Variants in TBCE observed in about 807,000 individuals in gnomAD.
The protein encoded by TBCE is tubulin folding cofactor E.
In TBCE, 53 loss-of-function variants were observed where a neutral mutation model predicts 77.0. The observed-to-expected ratio is 0.69, with a 90% CI of 0.55 to 0.87. TBCE has a LOEUF of 0.87. TBCE is among the 40% of genes least tolerant of loss of function. The pLI is 0.00. For missense variants in TBCE, 624 were observed against 622.4 expected (o/e 1.00, Z -0.03); for synonymous variants, 235 against 241.3 (o/e 0.97, Z 0.24).
Position 235,419,577 on chromosome 1 carries a change from A to C in TBCE, c.460+16A>C. Reference sequence around the variant, plus strand: ...GCATGTCCTAGTATCCTTTTCACCGAGAGCTTGTTATTGGAATCTGACTAT... The same window carrying C: ...GCATGTCCTAGTATCCTTTTCACCGCGAGCTTGTTATTGGAATCTGACTAT... On this transcript the variant is annotated intron_variant, in intron 5 of 16. Transcript: ENST00000642610. 2 of 1,613,854 alleles carry C rather than the reference A, an allele frequency of 1.2e-6. No individual in the cohort carries two copies. The highest frequency in any genetic ancestry group is 2.2e-5 in the South Asian group (2 of 91,016).
intron 3 of TBCE, among the ~76,000 whole-genome samples, chr1:235,404,182 C>A (rs903375392): frequency 6.6e-6 from 1 of 151,868 alleles, no homozygotes; most frequent in South Asian, 2.1e-4. Flanking sequence ...GAGGCTGAGG[C>A]AGGAGAATTG....
Position 235,448,206 on chromosome 1 carries a change from A to C in TBCE, c.1400-143A>C, listed in dbSNP as rs112398616. The C allele has an allele frequency of 0.014, 10,165 of 716,800 alleles. 108 individuals carry two copies. Among genetic ancestry groups the C allele is most frequent in the African/African-American group, 0.035 (1,837 of 52,700 alleles). 44.4% of individuals were successfully genotyped at this position (716,800 alleles called of 1,614,324 possible). A position where few individuals can be genotyped will look rare whatever the true frequency, so the allele number is the denominator to read the frequency against. ...CAGAGCAAGACTTACTTAAGTAAGT[A>C]AGTAAGTCAGTCTCAAAAAAAAAAA... On this transcript the variant is annotated intron_variant, in intron 15 of 16. Coordinates refer to ENST00000642610, the MANE Select transcript of TBCE (RefSeq NM_003193.5).
intron 3 of TBCE, among the ~76,000 whole-genome samples, chr1:235,410,029 C>T (rs893290943): frequency 6.8e-6 from 1 of 147,880 alleles, no homozygotes; most frequent in Non-Finnish European, 1.5e-5. Context: ...GACTCTGTCT[C>T]AAACAAAAAC....
intron 3 of TBCE, among the ~76,000 whole-genome samples, chr1:235,405,258 G>A (rs1432290632): frequency 1.3e-5 from 2 of 151,740 alleles, no homozygotes; most frequent in African/African-American, 4.8e-5. Flanking sequence ...CCACTGCACT[G>A]GACCTGAGCC....
intron 6 of TBCE, chr1:235,429,575 T>C (rs1308873088): frequency 2.6e-5 from 4 of 152,214 alleles, no homozygotes; most frequent in Non-Finnish European, 4.4e-5. Flanking sequence ...AGTAATTTCA[T>C]TGGGATACTG....
chr1:235,395,036 C>G (rs1678643016), intron 2 of TBCE, among the ~76,000 whole-genome samples: 2 of 152,134 alleles, frequency 1.3e-5, no homozygotes, highest in Admixed American at 1.3e-4. Flanking sequence ...GATTACTATT[C>G]CATTGTCTGG....
At chr1:235,400,491 TCCGGG>T (rs1679033733) in intron 2 of TBCE, among the ~76,000 whole-genome samples, 6 of 133,828 alleles carry the variant, frequency 4.5e-5, no homozygotes, top group African/African-American at 1.7e-4. Flanking sequence ...ACCTCCGCCT[TCCGGG>T]TTCACGCCGT....
At chr1:235,386,786 T>C (rs1256057103) in intron 2 of TBCE, among the ~76,000 whole-genome samples, 2 of 152,222 alleles carry the variant, frequency 1.3e-5, no homozygotes, top group Non-Finnish European at 2.9e-5. Context: ...TCTGAAGCCT[T>C]CTTCTCTCAA....
chr1:235,379,467 G>A (rs536275927), intron 1 of TBCE, among the ~76,000 whole-genome samples: 1 of 152,126 alleles, frequency 6.6e-6, no homozygotes, highest in African/African-American at 2.4e-5. Context: ...GGTGGAGGTT[G>A]CAGTGAGCCG....
At chr1:235,373,720 C>G (rs1006465190) in intron 1 of TBCE, among the ~76,000 whole-genome samples, 1 of 151,504 alleles carries the variant, frequency 6.6e-6, no homozygotes, top group Non-Finnish European at 1.5e-5. Context: ...GCGATCTCGG[C>G]TCACTGCAAG....
At chr1:235,436,486 C>CA in intron 10 of TBCE, 36 bp downstream of exon 10, 2 of 1,610,500 alleles carry the variant, frequency 1.2e-6, no homozygotes, top group Non-Finnish European at 1.7e-6. Context: ...ACTGCCCCCC[C>CA]ACACTATACT....
Position 235,419,535 on chromosome 1 carries a change from AAGG to A in TBCE, c.440_442del (p.Gly147del). On this transcript the variant is annotated inframe_deletion, in exon 5 of 17. Transcript: ENST00000642610. The stretch of plus-strand genomic sequence containing the variant: ...TGTGCAGTAAGTTGTGCTGGTGAAA[AAGG>A]AGGAGTTGCTGAAGCATGTCCTAGT... 2 of 1,613,994 alleles carry A rather than the reference AAGG, an allele frequency of 1.2e-6. No homozygotes were observed. The highest frequency in any genetic ancestry group is 1.3e-5 in the African/African-American group (1 of 74,972).
chr1:235,380,570 T>A lies in TBCE; in HGVS notation c.100+421T>A, dbSNP rs945077973. 5.9e-5 allele frequency among the ~76,000 whole-genome samples: 9 copies of A among 152,250 alleles called. No individual in the cohort carries two copies. In the South Asian group the frequency reaches 8.3e-4, roughly 14 times the overall value. On this transcript the variant is annotated intron_variant, in intron 2 of 16. Coordinates refer to ENST00000642610, the MANE Select transcript of TBCE (RefSeq NM_003193.5). ...ATTACAATTTTTGTTACCTTTTTTTTAAACTTATTTTTTGGTATAAATTTA... is the reference window on the plus strand; with the variant it reads ...ATTACAATTTTTGTTACCTTTTTTTAAAACTTATTTTTTGGTATAAATTTA...
At chr1:235,373,688 G>A (rs1677116073) in intron 1 of TBCE, among the ~76,000 whole-genome samples, 1 of 150,852 alleles carries the variant, frequency 6.6e-6, no homozygotes, top group Non-Finnish European at 1.5e-5. Flanking sequence ...TCGCTCTGTC[G>A]CCCAGGCTGA....
At chr1:235,419,420 C>T (rs1461041982) in intron 4 of TBCE, 53 bp from the exon 5 acceptor site, 5 of 1,613,060 alleles carry the variant, frequency 3.1e-6, no homozygotes, top group Non-Finnish European at 4.2e-6. Flanking sequence ...TTTAAAGGGC[C>T]AGTGGATAGC....
intron 9 of TBCE, chr1:235,436,161 C>T: frequency 1.6e-6 from 1 of 607,070 alleles, no homozygotes; most frequent in South Asian, 2.0e-5. Context: ...TAGCACCTGA[C>T]ATAGCAGTAG....
intron 15 of TBCE, among the ~76,000 whole-genome samples, chr1:235,443,183 C>T (rs1182847080): frequency 5.6e-4 from 81 of 145,250 alleles, no homozygotes; most frequent in Admixed American, 9.1e-4. Context: ...CACACACACA[C>T]ACATATATAT....
chr1:235,393,021 A>T (rs28594401), intron 2 of TBCE, among the ~76,000 whole-genome samples: 20,670 of 151,848 alleles, frequency 0.14, 1,697 homozygotes, highest in African/African-American at 0.23. Context: ...TAATAAAAAA[A>T]AATTCTGCTT....
intron 3 of TBCE, among the ~76,000 whole-genome samples, chr1:235,412,092 G>C (rs1679810611): frequency 2.1e-5 from 1 of 47,718 alleles, no homozygotes; most frequent in African/African-American, 1.2e-4. Flanking sequence ...CACTCTCCAA[G>C]TTTCCCTTCC....
Sources: allele counts gnomAD v4.1 joint callset (sites outside exome capture counted in the v4.1 genomes callset), GRCh38; gene constraint gnomAD v4.1.1; transcripts MANE v1.5; gene names NCBI Gene and HGNC (gene_info 2026-07-23, HGNC 2026-07-21).